Variants in PPT1 observed in about 807,000 individuals in gnomAD.
The protein encoded by PPT1 is palmitoyl-protein thioesterase 1.
A neutral mutation model predicts 44.0 loss-of-function variants in PPT1; 24 were observed. The ratio of observed to expected loss-of-function variants is 0.54; its 90% CI spans 0.39 to 0.77. The LOEUF (loss-of-function observed/expected upper bound fraction) is 0.77. PPT1 is among the 30% of genes least tolerant of loss of function. PPT1 has a pLI of 0.00. For missense variants in PPT1, 341 were observed against 378.8 expected (o/e 0.90, Z 0.83); for synonymous variants, 148 against 140.2 (o/e 1.06, Z -0.39).
At chr1:40,084,741 A>G (rs1649163980) in intron 5 of PPT1, among the ~76,000 whole-genome samples, 1 of 152,260 alleles carries the variant, frequency 6.6e-6, no homozygotes, top group Non-Finnish European at 1.5e-5. Flanking sequence ...TTATTCCAAT[A>G]TTATAATAAT....
At chr1:40,095,133 A>G (rs1649780817) in intron 1 of PPT1, among the ~76,000 whole-genome samples, 1 of 152,192 alleles carries the variant, frequency 6.6e-6, no homozygotes, top group African/African-American at 2.4e-5. Context: ...ACCCATTAAC[A>G]TTTGATACAG....
At chr1:40,092,783 C>G (rs1649638932) in intron 1 of PPT1, among the ~76,000 whole-genome samples, 1 of 73,250 alleles carries the variant, frequency 1.4e-5, no homozygotes, top group African/African-American at 4.4e-5. Context: ...AATGGCTAAC[C>G]ACTGGCATGT....
chr1:40,086,451 A>G (rs1649268294), intron 5 of PPT1, among the ~76,000 whole-genome samples: 1 of 152,194 alleles, frequency 6.6e-6, no homozygotes, highest in Non-Finnish European at 1.5e-5. Flanking sequence ...TTGCTTTGCT[A>G]AGGTTAAGTT....
downstream of PPT1, chr1:40,071,618 CCT>C: frequency 1.1e-6 from 1 of 877,770 alleles, no homozygotes; most frequent in Non-Finnish European, 1.8e-6. Context: ...ATTTCCTCTA[CCT>C]TTTTGCTCTT....
downstream of PPT1, chr1:40,072,074 A>C (rs374131591): frequency 2.5e-6 from 1 of 402,412 alleles, no homozygotes; most frequent in African/African-American, 2.1e-5. Flanking sequence ...ATTGTTTCCT[A>C]TAAGCATTCC....
rs748905272 is a variant in PPT1, at chr1:40,092,402, A to G, written c.230T>C (p.Met77Thr). Residue 77 changes from methionine (M) to threonine (T), a missense_variant, in exon 2 of 9, where the codon ATG becomes ACG. Coordinates refer to ENST00000642050, the MANE Select transcript of PPT1 (RefSeq NM_000310.4). The part of the protein sequence containing the change: ...VLSLEIGKTL[M>T]EDVENSFFLN... ...AACAGCTGTGAAGCGCCTTACCTCC[A>G]TCAGGGTCTTCCCAATCTCTAAAGA... The G allele has an allele frequency of 2.5e-6, 4 of 1,606,110 alleles. No homozygotes were observed. The highest frequency in any genetic ancestry group is 3.4e-6 in the Non-Finnish European group (4 of 1,172,632).
At chr1:40,072,252 GAAAAAAA>G (rs61352266), downstream of PPT1, 30 of 160,696 alleles carry the variant, frequency 1.9e-4, 1 homozygote, top group Middle Eastern at 2.9e-3. Flanking sequence ...ACTTTAAAAG[GAAAAAAA>G]AAAAAAAAAA....
At chr1:40,089,681 C>T in intron 4 of PPT1, 169 bp from the exon 5 acceptor site, 1 of 683,750 alleles carries the variant, frequency 1.5e-6, no homozygotes, top group Admixed American at 2.0e-5. Context: ...CAGCTTCCTC[C>T]TGGTGCTGCT....
At chr1:40,074,478 T>C (rs1648500649) in intron 8 of PPT1, among the ~76,000 whole-genome samples, 2 of 143,662 alleles carry the variant, frequency 1.4e-5, no homozygotes, top group Non-Finnish European at 3.0e-5. Flanking sequence ...TTTCTCTTTC[T>C]TTCTTTCAAG....
intron 5 of PPT1, among the ~76,000 whole-genome samples, chr1:40,083,714 T>C (rs1468369644): frequency 6.6e-6 from 1 of 152,066 alleles, no homozygotes; most frequent in East Asian, 1.9e-4. Context: ...CTTTGATGCA[T>C]CTGGGCAAAG....
chr1:40,086,400 G>A (rs1445300243), intron 5 of PPT1, among the ~76,000 whole-genome samples: 2 of 152,200 alleles, frequency 1.3e-5, no homozygotes, highest in African/African-American at 4.8e-5. Context: ...GCCAAGCCGG[G>A]GGCTTCCCCA....
intron 5 of PPT1, among the ~76,000 whole-genome samples, chr1:40,081,518 CAG>C (rs1648937495): frequency 6.6e-6 from 1 of 150,624 alleles, no homozygotes. Flanking sequence ...GCCTGGGAGA[CAG>C]AGCGAGAATC....
intron 1 of PPT1, 93 bp from the exon 2 acceptor site, chr1:40,092,600 G>C: frequency 9.9e-7 from 1 of 1,008,826 alleles, no homozygotes; most frequent in African/African-American, 1.6e-5. Flanking sequence ...TATCAAGGAT[G>C]TGAAAACAAT....
Position 40,080,504 on chromosome 1 carries a change from G to C in PPT1, c.537-17C>G. 1 of 1,606,944 alleles carries C rather than the reference G, an allele frequency of 6.2e-7. No individual in the cohort carries two copies. Among genetic ancestry groups the C allele is most frequent in the African/African-American group, 1.3e-5 (1 of 74,848 alleles). On this transcript the variant is annotated splice_polypyrimidine_tract_variant and intron_variant, in intron 5 of 8. Coordinates refer to ENST00000642050, the MANE Select transcript of PPT1 (RefSeq NM_000310.4). ...TGCACGAGGCTGTAGGAAAAAAAAA[G>C]AATGAGGTGATCAAGCTACAGGTCA...
At chr1:40,096,208 T>A (rs1195389480) in intron 1 of PPT1, among the ~76,000 whole-genome samples, 1 of 152,168 alleles carries the variant, frequency 6.6e-6, no homozygotes, top group African/African-American at 2.4e-5. Context: ...CCACCTCCAG[T>A]TTTTATCCTA....
intron 6 of PPT1, among the ~76,000 whole-genome samples, chr1:40,080,009 G>A (rs1487284689): frequency 2.0e-5 from 3 of 152,150 alleles, no homozygotes; most frequent in Admixed American, 6.5e-5. Flanking sequence ...CCATGTTTGT[G>A]TCTGGGACAT....
At chr1:40,094,618 C>A (rs1234714286) in intron 1 of PPT1, among the ~76,000 whole-genome samples, 4 of 152,164 alleles carry the variant, frequency 2.6e-5, no homozygotes, top group Non-Finnish European at 5.9e-5. Context: ...AGACTTGTTT[C>A]TTCTATTTCA....
intron 5 of PPT1, among the ~76,000 whole-genome samples, chr1:40,086,326 G>A (rs879405610): frequency 6.6e-6 from 1 of 152,158 alleles, no homozygotes; most frequent in African/African-American, 2.4e-5. Context: ...GGGAACTAGA[G>A]GGTAGTTTTA....
At chr1:40,094,884 G>A (rs747999271) in intron 1 of PPT1, among the ~76,000 whole-genome samples, 7 of 152,134 alleles carry the variant, frequency 4.6e-5, no homozygotes, top group African/African-American at 1.4e-4. Flanking sequence ...TGTGAGCTCT[G>A]GGAAAACACA....
Sources: allele counts gnomAD v4.1 joint callset (sites outside exome capture counted in the v4.1 genomes callset), GRCh38; gene constraint gnomAD v4.1.1; transcripts MANE v1.5; gene names NCBI Gene and HGNC (gene_info 2026-07-23, HGNC 2026-07-21).